The following GNG2 variants were observed in gnomAD, a reference collection of about 807,000 sequenced individuals.
The protein encoded by GNG2 is G protein subunit gamma 2, also known as guanine nucleotide-binding protein G(I)/G(S)/G(O) subunit gamma-2.
Under a neutral mutation model 5.5 loss-of-function variants are expected in GNG2, and 5 were observed. That is an observed-to-expected ratio of 0.91 (90% CI 0.48 to 1.92). The LOEUF (loss-of-function observed/expected upper bound fraction) is 1.92, where lower values mean the gene tolerates loss of function less well. Ranked by LOEUF, GNG2 falls within the 30% of genes most tolerant of loss-of-function variation. The pLI is 0.01. For synonymous variants in GNG2, 28 were observed against 32.0 expected, an observed-to-expected ratio of 0.88 and a Z score of 0.42; for missense variants, 55 against 88.4, an observed-to-expected ratio of 0.62 and a Z score of 1.52.
At chr14:51,929,800 G>C (rs1484788566) in intron 2 of GNG2, among the ~76,000 whole-genome samples, 1 of 152,174 alleles carries the variant, frequency 6.6e-6, no homozygotes, top group African/African-American at 2.4e-5. Context: ...CTGGCGTCGA[G>C]AGAAGAGGCT....
intron 2 of GNG2, among the ~76,000 whole-genome samples, chr14:51,891,126 T>C (rs1042815706): frequency 1.3e-5 from 2 of 152,204 alleles, no homozygotes; most frequent in African/African-American, 2.4e-5. Flanking sequence ...CCAATAAGGG[T>C]CTTAAGTTGT....
chr14:51,881,350 A>G (rs1463866194), intron 2 of GNG2, among the ~76,000 whole-genome samples: 1 of 152,190 alleles, frequency 6.6e-6, no homozygotes, highest in Non-Finnish European at 1.5e-5. Flanking sequence ...GGAGTGGATC[A>G]TGTCTTGGAG....
chr14:51,853,288 C>T (rs889542348), intron 2 of GNG2, among the ~76,000 whole-genome samples: 1 of 152,192 alleles, frequency 6.6e-6, no homozygotes, highest in African/African-American at 2.4e-5. Flanking sequence ...AGACCTAGCC[C>T]TTGCCCTCAG....
chr14:51,914,730 C>T (rs1346079358), intron 2 of GNG2, among the ~76,000 whole-genome samples: 4 of 152,300 alleles, frequency 2.6e-5, no homozygotes, highest in Non-Finnish European at 4.4e-5. Flanking sequence ...TCCTCATGGG[C>T]TATTAGCTTC....
chr14:51,912,691 C>T (rs1886365174), intron 2 of GNG2, among the ~76,000 whole-genome samples: 1 of 152,218 alleles, frequency 6.6e-6, no homozygotes, highest in African/African-American at 2.4e-5. Flanking sequence ...ACAAGGTTAC[C>T]AGCCTGGATG....
chr14:51,880,662 C>G (rs1204934719), intron 2 of GNG2, among the ~76,000 whole-genome samples: 1 of 152,112 alleles, frequency 6.6e-6, no homozygotes, highest in Non-Finnish European at 1.5e-5. Context: ...GAGCTAGCAG[C>G]AGGGCAACAA....
chr14:51,944,712 A>C (rs1056719276), intron 2 of GNG2, among the ~76,000 whole-genome samples: 2 of 152,254 alleles, frequency 1.3e-5, no homozygotes, highest in African/African-American at 4.8e-5. Context: ...AAGAAAACAT[A>C]GGGCAAAAGC....
At chr14:51,871,098 C>G (rs984544437) in intron 1 of GNG2, among the ~76,000 whole-genome samples, 1 of 151,912 alleles carries the variant, frequency 6.6e-6, no homozygotes, top group Non-Finnish European at 1.5e-5. Context: ...AAATTTAAAC[C>G]GAAACCCTCA....
chr14:51,927,488 C>A (rs1483888525), intron 2 of GNG2, among the ~76,000 whole-genome samples: 2 of 152,088 alleles, frequency 1.3e-5, no homozygotes, highest in Non-Finnish European at 2.9e-5. Context: ...CTCTGAAAAA[C>A]AAAAAAATGC....
At chr14:51,940,397 A>G (rs1360576284) in intron 2 of GNG2, 1 of 152,258 alleles carries the variant, frequency 6.6e-6, no homozygotes, top group Non-Finnish European at 1.5e-5. Context: ...AGATTATTCC[A>G]TACCCTTTAT....
intron 1 of GNG2, among the ~76,000 whole-genome samples, chr14:51,876,999 C>T (rs1035658845): frequency 1.3e-5 from 2 of 152,184 alleles, no homozygotes; most frequent in Non-Finnish European, 2.9e-5. Context: ...CCACACTCGG[C>T]ACTGGACAAA....
intron 1 of GNG2, chr14:51,827,630 G>C: frequency 1.4e-6 from 1 of 691,248 alleles, no homozygotes; most frequent in Non-Finnish European, 2.6e-6. Flanking sequence ...TGATTAGTGT[G>C]TTGGATGTTC....
chr14:51,873,127 G>A (rs1883419791), intron 1 of GNG2, among the ~76,000 whole-genome samples: 1 of 152,068 alleles, frequency 6.6e-6, no homozygotes. Context: ...GAATAAAATG[G>A]GTTTTTCTTC....
At chr14:51,874,318 G>A (rs565118359) in intron 1 of GNG2, among the ~76,000 whole-genome samples, 102 of 151,926 alleles carry the variant, frequency 6.7e-4, no homozygotes, top group African/African-American at 2.4e-3. Context: ...CCAGCTACTT[G>A]GGAAGCTGAG....
At chr14:51,849,308 G>A (rs1376851797) in intron 2 of GNG2, among the ~76,000 whole-genome samples, 1 of 152,222 alleles carries the variant, frequency 6.6e-6, no homozygotes, top group African/African-American at 2.4e-5. Context: ...GGAGGCCAAG[G>A]TGGAAGCTAC....
At position 51,908,582 on chromosome 14, in the gene GNG2, AG is replaced by A. The variant is rs1172598562; in HGVS notation, c.-30+30926del. Reference sequence around the variant, plus strand: ...TCTATCCATATATATAGAGAGAGAGAGAGAGAAGAGAGTGTCTCGCTCTGTC... The same window carrying A: ...TCTATCCATATATATAGAGAGAGAGAAGAGAAGAGAGTGTCTCGCTCTGTC... On this transcript the variant is annotated intron_variant, in intron 2 of 3. Transcript: ENST00000556766. 3.2e-3 allele frequency among the ~76,000 whole-genome samples: 486 copies of A among 152,018 alleles called. 4 individuals are homozygous for A. Among genetic ancestry groups the A allele is most frequent in the South Asian group, 0.02 (95 of 4,794 alleles).
chr14:51,871,331 CAA>C (rs5808638), intron 1 of GNG2, among the ~76,000 whole-genome samples: 2 of 145,172 alleles, frequency 1.4e-5, no homozygotes, highest in Admixed American at 6.8e-5. Flanking sequence ...AATTCCTAGG[CAA>C]AAAAAAAAAG....
At chr14:51,834,735 C>G (rs973964753) in intron 2 of GNG2, among the ~76,000 whole-genome samples, 3 of 152,196 alleles carry the variant, frequency 2.0e-5, no homozygotes, top group African/African-American at 7.2e-5. Flanking sequence ...GGGAACACAT[C>G]TAGCGCTATA....
intron 2 of GNG2, among the ~76,000 whole-genome samples, chr14:51,900,050 T>C (rs1039323932): frequency 6.6e-5 from 10 of 152,226 alleles, no homozygotes; most frequent in African/African-American, 2.4e-4. Context: ...TTGGATCATA[T>C]GATAGTTGTA....
Sources: gnomAD v4.1 joint callset for allele counts (sites outside exome capture counted in the v4.1 genomes callset) on GRCh38, gnomAD v4.1.1 for gene constraint, MANE v1.5 for transcripts, NCBI Gene and HGNC (gene_info 2026-07-23, HGNC 2026-07-21) for gene names.